The following CIB4 variants were observed in gnomAD, a reference collection of about 807,000 sequenced individuals.
CIB4 encodes the protein calcium and integrin binding family member 4, also known as calcium and integrin-binding family member 4.
CIB4 carries 25 observed loss-of-function variants against 25.8 expected under a neutral mutation model. The observed-to-expected ratio is 0.97, with a 90% CI of 0.71 to 1.35. The LOEUF is 1.35. Ranked by LOEUF, CIB4 falls within the 40% of genes most tolerant of loss-of-function variation. The probability of loss-of-function intolerance (pLI) is 0.00; values close to 1 mark genes in which losing one functional copy is unlikely to be tolerated. For synonymous variants in CIB4, 75 were observed against 81.4 expected (o/e 0.92, Z 0.42); for missense variants, 235 against 228.2 (o/e 1.03, Z -0.19).
At chr2:26,598,475 G>A (rs1192192110) in intron 3 of CIB4, among the ~76,000 whole-genome samples, 1 of 152,162 alleles carries the variant, frequency 6.6e-6, no homozygotes, top group Non-Finnish European at 1.5e-5. Context: ...GGTCAAAGAA[G>A]ATGGAGCTGA....
chr2:26,587,304 CAAAAAAAA>C (rs71399396), intron 4 of CIB4, among the ~76,000 whole-genome samples: 5 of 61,466 alleles, frequency 8.1e-5, no homozygotes, highest in Admixed American at 3.2e-4. Context: ...GACTCCGTCT[CAAAAAAAA>C]AAAAAAAAAA....
chr2:26,614,130 T>C (rs1231488759), intron 3 of CIB4, among the ~76,000 whole-genome samples: 1 of 152,218 alleles, frequency 6.6e-6, no homozygotes, highest in Non-Finnish European at 1.5e-5. Context: ...GAGGGGGTAC[T>C]TCAGGAACGA....
rs1668371407 is a variant in CIB4, at chr2:26,582,775, C to T, written c.527+50G>A. 5 of 1,180,140 alleles carry T rather than the reference C, an allele frequency of 4.2e-6. No homozygotes were observed. In the East Asian group the frequency reaches 7.1e-5, roughly 17 times the overall value. The allele number at this position is 1,180,140 out of a possible 1,614,324, so 73.1% of individuals were successfully genotyped here. On this transcript the variant is annotated intron_variant, in intron 6 of 6. Transcript: ENST00000288861. ...AGTGAGGAGAGACTGGGGGCCCTTC[C>T]TGCCCCCACCACTCTCCTGGACAGT...
intron 2 of CIB4, among the ~76,000 whole-genome samples, chr2:26,639,358 C>T (rs1411765178): frequency 6.6e-6 from 1 of 151,798 alleles, no homozygotes; most frequent in Non-Finnish European, 1.5e-5. Flanking sequence ...ACCCCCACCC[C>T]CCAACAGGCC....
At chr2:26,606,204 C>T (rs962434463) in intron 3 of CIB4, among the ~76,000 whole-genome samples, 2 of 152,242 alleles carry the variant, frequency 1.3e-5, no homozygotes, top group African/African-American at 4.8e-5. Context: ...GCAGACGCTG[C>T]CACTGCACTC....
At chr2:26,596,776 A>G (rs1668691220) in intron 3 of CIB4, among the ~76,000 whole-genome samples, 1 of 151,908 alleles carries the variant, frequency 6.6e-6, no homozygotes, top group Non-Finnish European at 1.5e-5. Flanking sequence ...AAGCTTATAC[A>G]GTGATTTGTA....
At chr2:26,629,276 C>A in intron 3 of CIB4, 134 bp downstream of exon 3, 1 of 644,672 alleles carries the variant, frequency 1.6e-6, no homozygotes, top group Non-Finnish European at 2.8e-6. Flanking sequence ...CCTGGAGGAT[C>A]AGGAGCCCCT....
At chr2:26,594,722 T>C (rs762600092) in intron 4 of CIB4, among the ~76,000 whole-genome samples, 1 of 152,076 alleles carries the variant, frequency 6.6e-6, no homozygotes, top group African/African-American at 2.4e-5. Flanking sequence ...GACCAAAAAA[T>C]GTCAAAGTGC....
At chr2:26,612,820 G>A (rs1669021801) in intron 3 of CIB4, among the ~76,000 whole-genome samples, 2 of 152,218 alleles carry the variant, frequency 1.3e-5, no homozygotes, top group South Asian at 4.1e-4. Flanking sequence ...TACAGAGTAT[G>A]GGACAAGGGG....
At chr2:26,606,472 G>T (rs1284850772) in intron 3 of CIB4, among the ~76,000 whole-genome samples, 1 of 152,230 alleles carries the variant, frequency 6.6e-6, no homozygotes, top group East Asian at 1.9e-4. Flanking sequence ...GAGAAAAGAG[G>T]CAGGGCCAGA....
At chr2:26,624,398 G>A (rs975523424) in intron 3 of CIB4, among the ~76,000 whole-genome samples, 23 of 152,226 alleles carry the variant, frequency 1.5e-4, no homozygotes, top group Non-Finnish European at 2.8e-4. Flanking sequence ...GTCCAGAATC[G>A]GAAAGACACA....
chr2:26,589,054 T>C (rs12475672), intron 4 of CIB4, among the ~76,000 whole-genome samples: 621 of 39,774 alleles, frequency 0.016, 35 homozygotes, highest in African/African-American at 0.021. Context: ...CTTCTTCTTC[T>C]TCTTCCTCTT....
At chr2:26,618,333 T>C (rs142713762) in intron 3 of CIB4, among the ~76,000 whole-genome samples, 1,852 of 152,316 alleles carry the variant, frequency 0.012, 45 homozygotes, top group African/African-American at 0.043. Flanking sequence ...TCACCCAGGC[T>C]GGAGTGCAAT....
chr2:26,621,782 C>G (rs2148218232), intron 3 of CIB4, among the ~76,000 whole-genome samples: 1 of 152,196 alleles, frequency 6.6e-6, no homozygotes, highest in East Asian at 1.9e-4. Context: ...TAACATATAC[C>G]AGGCTCAGAG....
chr2:26,595,834 A>C (rs1668671174), intron 3 of CIB4, among the ~76,000 whole-genome samples: 1 of 152,124 alleles, frequency 6.6e-6, no homozygotes, highest in African/African-American at 2.4e-5. Flanking sequence ...TAGTGATGGG[A>C]GGGAGGTGGT....
intron 3 of CIB4, among the ~76,000 whole-genome samples, chr2:26,622,241 A>G (rs973223209): frequency 4.6e-5 from 7 of 152,092 alleles, no homozygotes; most frequent in African/African-American, 1.7e-4. Flanking sequence ...GGCACCTGTA[A>G]TCCCAGCTAC....
intron 1 of CIB4, among the ~76,000 whole-genome samples, 195 bp downstream of exon 1, chr2:26,641,066 T>A (rs1193434944): frequency 1.3e-5 from 2 of 152,226 alleles, no homozygotes; most frequent in African/African-American, 4.8e-5. Context: ...GTGATTTTTT[T>A]TTATTAGCTC....
chr2:26,632,047 A>G (rs931204490), intron 2 of CIB4, among the ~76,000 whole-genome samples: 1 of 151,846 alleles, frequency 6.6e-6, no homozygotes, highest in Non-Finnish European at 1.5e-5. Flanking sequence ...GGTTGCTCAC[A>G]GACCTATCTG....
chr2:26,583,671 G>A (rs906553504), intron 5 of CIB4, 118 bp downstream of exon 5: 10 of 712,574 alleles, frequency 1.4e-5, no homozygotes, highest in Non-Finnish European at 2.6e-5. Context: ...TGTGTCATCT[G>A]CCTCAGGCTG....
Sources: allele counts gnomAD v4.1 joint callset (sites outside exome capture counted in the v4.1 genomes callset), GRCh38; gene constraint gnomAD v4.1.1; transcripts MANE v1.5; gene names NCBI Gene and HGNC (gene_info 2026-07-23, HGNC 2026-07-21).